CCSAP: variants seen among roughly 807,000 people sequenced by gnomAD.
The protein encoded by CCSAP is centriole, cilia and spindle associated protein, also known as centriole, cilia and spindle-associated protein.
CCSAP carries 17 observed loss-of-function variants against 25.9 expected under a neutral mutation model. The ratio of observed to expected loss-of-function variants is 0.66; its 90% CI spans 0.45 to 0.99. CCSAP has a LOEUF of 0.99. Among genes scored for constraint, CCSAP ranks in the 50% least tolerant of loss-of-function variants. The pLI is 0.00. For missense variants in CCSAP, 339 were observed against 367.8 expected (o/e 0.92, Z 0.64); for synonymous variants, 169 against 157.1 (o/e 1.08, Z -0.57).
At position 229,342,253 on chromosome 1, in the gene CCSAP, G is replaced by C; in HGVS notation, c.213C>G (p.Gly71=). 7.8e-7 allele frequency: 1 copy of C among 1,279,036 alleles called. No individual in the cohort carries two copies. The highest frequency in any genetic ancestry group is 9.8e-7 in the Non-Finnish European group (1 of 1,015,672). The allele number at this position is 1,279,036 out of a possible 1,614,324, so 79.2% of individuals were successfully genotyped here. The part of the protein sequence containing the change: ...SASSESSGAG[G]PAPRCAPPSP... ...AGGGCGGGGCGCACCGGGGTGCGGG[G>C]CCCCCGGCGCCCGACGACTCTGACG... is the stretch of plus-strand genomic sequence containing the variant. The change falls in exon 2 of 4, where the codon GGC becomes GGG. Residue 71 remains glycine (G), a synonymous_variant. Coordinates refer to ENST00000284617, the MANE Select transcript of CCSAP (RefSeq NM_145257.5). This position sits in a 1 kb window ranked among gnomAD's most constrained non-coding sequence, Gnocchi z 7.5.
In CCSAP at chr1:229,342,623, C is replaced by T; in HGVS notation, c.-48-110G>A. The T allele has an allele frequency of 9.5e-6, 4 of 422,584 alleles. No individual in the cohort carries two copies. Among genetic ancestry groups the T allele is most frequent in the South Asian group, 1.2e-4 (1 of 8,222 alleles). The allele number at this position is 422,584 out of a possible 1,614,324, so 26.2% of individuals were successfully genotyped here. On this transcript the variant is annotated intron_variant, in intron 1 of 3. Transcript: ENST00000284617. The surrounding 1 kb of genome is among the most constrained non-coding windows in gnomAD (Gnocchi z 7.5). ...CCGGACGGGAGCAGGGGGCGGGTCC[C>T]GGCGAGGGCGGGGAGGGGGCGGGGC...
chr1:229,338,056 A>G (rs1349014226), intron 2 of CCSAP, among the ~76,000 whole-genome samples: 1 of 152,196 alleles, frequency 6.6e-6, no homozygotes, highest in Non-Finnish European at 1.5e-5. Flanking sequence ...CTACACAGCC[A>G]TAATTCAAAC....
At position 229,325,228 on chromosome 1, in the gene CCSAP, T is replaced by A. The variant is rs180702303; in HGVS notation, c.*7A>T. ...TTTTAAAAGAGGCTGTCCACGCAAG[T>A]GTTTCTTTAAGCTCTTGCCGAATAG... On this transcript the variant is annotated 3_prime_UTR_variant, in exon 4 of 4. Coordinates refer to ENST00000284617, the MANE Select transcript of CCSAP (RefSeq NM_145257.5). The A allele has an allele frequency of 8.8e-6, 14 of 1,585,212 alleles. No homozygotes were observed. In the East Asian group the frequency reaches 2.5e-4, roughly 28 times the overall value.
chr1:229,334,867 C>T (rs895082657), intron 2 of CCSAP, among the ~76,000 whole-genome samples: 1 of 152,066 alleles, frequency 6.6e-6, no homozygotes, highest in East Asian at 1.9e-4. Context: ...GGACAGAGAG[C>T]AAGGGAGGTG....
intron 2 of CCSAP, among the ~76,000 whole-genome samples, chr1:229,337,717 A>ATATATATATATG (rs1406860244): frequency 1.7e-5 from 1 of 58,782 alleles, no homozygotes; most frequent in Non-Finnish European, 4.3e-5. Flanking sequence ...ATATATATAT[A>ATATATATATATG]TGTATATATA....
intron 2 of CCSAP, among the ~76,000 whole-genome samples, chr1:229,339,319 C>T (rs1028506149): frequency 1.3e-5 from 2 of 152,152 alleles, no homozygotes; most frequent in African/African-American, 4.8e-5. Flanking sequence ...CATAACGAGG[C>T]AGGCTGTAAC....
chr1:229,331,961 G>C (rs1293297386), intron 2 of CCSAP, among the ~76,000 whole-genome samples: 1 of 151,976 alleles, frequency 6.6e-6, no homozygotes, highest in African/African-American at 2.4e-5. Context: ...TCTCACCTCA[G>C]CCTCCCAAAT....
In CCSAP at chr1:229,342,311, C is replaced by T. The variant is rs759373424; in HGVS notation, c.155G>A (p.Trp52Ter). The T allele has an allele frequency of 6.8e-7, 1 of 1,470,874 alleles. No individual in the cohort carries two copies. The allele number at this position is 1,470,874 out of a possible 1,614,324, so 91.1% of individuals were successfully genotyped here. A position where few individuals can be genotyped will look rare whatever the true frequency, so the allele number is the denominator to read the frequency against. Residue 52 changes from tryptophan (W) to a stop codon, truncating the protein, a stop_gained, in exon 2 of 4, where the codon TGG (tryptophan) becomes TAG (stop). Coordinates refer to ENST00000284617, the MANE Select transcript of CCSAP (RefSeq NM_145257.5). LOFTEE classifies it high-confidence loss of function. The surrounding 1 kb of genome is among the most constrained non-coding windows in gnomAD (Gnocchi z 7.5). ...GTCCTCCGAGGAGCCGGCCGGGCCCCAGTCGTCCCAGAGCCAGGGCGCGTG... is the reference window on the plus strand; with the variant it reads ...GTCCTCCGAGGAGCCGGCCGGGCCCTAGTCGTCCCAGAGCCAGGGCGCGTG... ...QAHAPWLWDD[W>*]GPAGSSEDSA...
intron 2 of CCSAP, among the ~76,000 whole-genome samples, chr1:229,337,056 G>A (rs1658210823): frequency 1.3e-5 from 2 of 151,924 alleles, no homozygotes; most frequent in African/African-American, 4.8e-5. Flanking sequence ...TCCAACTAAG[G>A]ATAATTATAG....
chr1:229,321,260 A>T lies in CCSAP; in HGVS notation c.*3975T>A, dbSNP rs1194691585. ...GTTATTAGAAGAGAAATCCAAAAAG[A>T]GGCCTCTACTGCCTTCATTCAAGTG... On this transcript the variant is annotated 3_prime_UTR_variant, in exon 4 of 4. Transcript: ENST00000284617. 1 of 152,190 alleles carries T rather than the reference A, an allele frequency of 6.6e-6. No individual in the cohort carries two copies. Among genetic ancestry groups the T allele is most frequent in the Non-Finnish European group, 1.5e-5 (1 of 68,010 alleles). The allele number at this position is 152,190 out of a possible 1,614,324, so 9.4% of individuals were successfully genotyped here.
chr1:229,330,098 A>C (rs867085028), intron 2 of CCSAP, among the ~76,000 whole-genome samples: 1 of 152,148 alleles, frequency 6.6e-6, no homozygotes, highest in Middle Eastern at 3.2e-3. Context: ...CCTCCAGAGC[A>C]GACAGCCCAG....
At chr1:229,337,993 A>G (rs1164041796) in intron 2 of CCSAP, among the ~76,000 whole-genome samples, 1 of 152,112 alleles carries the variant, frequency 6.6e-6, no homozygotes, top group Non-Finnish European at 1.5e-5. Flanking sequence ...AAAACCATAA[A>G]TTTTAACAAA....
rs1476861976 is a variant in CCSAP at position 229,321,267 on chromosome 1, T to C, written c.*3968A>G. The C allele has an allele frequency of 6.6e-6, 1 of 152,206 alleles. No individual in the cohort carries two copies. Among genetic ancestry groups the C allele is most frequent in the African/African-American group, 2.4e-5 (1 of 41,462 alleles). The allele number at this position is 152,206 out of a possible 1,614,324, so 9.4% of individuals were successfully genotyped here. On this transcript the variant is annotated 3_prime_UTR_variant, in exon 4 of 4. Coordinates refer to ENST00000284617, the MANE Select transcript of CCSAP (RefSeq NM_145257.5). Reference sequence around the variant, plus strand: ...GAAGAGAAATCCAAAAAGAGGCCTCTACTGCCTTCATTCAAGTGTCGAGAA... The same window carrying C: ...GAAGAGAAATCCAAAAAGAGGCCTCCACTGCCTTCATTCAAGTGTCGAGAA...
chr1:229,331,660 C>T (rs1470699926), intron 2 of CCSAP, among the ~76,000 whole-genome samples: 1 of 152,084 alleles, frequency 6.6e-6, no homozygotes, highest in Non-Finnish European at 1.5e-5. Flanking sequence ...TCTAATCTTC[C>T]ACACCTTCCA....
In CCSAP at chr1:229,335,227, G is replaced by A. The variant is rs190384359; in HGVS notation, c.367+6872C>T. 2.4e-3 allele frequency among the ~76,000 whole-genome samples: 366 copies of A among 152,270 alleles called. 2 individuals carry two copies. Among genetic ancestry groups the A allele is most frequent in the Non-Finnish European group, 3.9e-3 (266 of 68,028 alleles). ...CCAGCTACTCACGAGGCTGAGGCTGGAGGATTGCTTGAACCCAGGAGGTCA... is the reference window on the plus strand; with the variant it reads ...CCAGCTACTCACGAGGCTGAGGCTGAAGGATTGCTTGAACCCAGGAGGTCA... On this transcript the variant is annotated intron_variant, in intron 2 of 3. Coordinates refer to ENST00000284617, the MANE Select transcript of CCSAP (RefSeq NM_145257.5).
intron 2 of CCSAP, among the ~76,000 whole-genome samples, chr1:229,338,354 C>T (rs1320031523): frequency 6.6e-6 from 1 of 152,060 alleles, no homozygotes; most frequent in African/African-American, 2.4e-5. Context: ...ATGTTTTTTT[C>T]ATTTTAAGCA....
intron 2 of CCSAP, among the ~76,000 whole-genome samples, chr1:229,339,518 C>G (rs1658281105): frequency 6.6e-6 from 1 of 152,134 alleles, no homozygotes; most frequent in South Asian, 2.1e-4. Context: ...TGTGCTCCAC[C>G]AAGAAGGGGT....
chr1:229,342,546 C>T lies in CCSAP; in HGVS notation c.-48-33G>A. ...ACCCGGTACACGACACAGAGGCCGCCCCGCCCCTCCGCCGGCCCTGCCCGC... is the reference window on the plus strand; with the variant it reads ...ACCCGGTACACGACACAGAGGCCGCTCCGCCCCTCCGCCGGCCCTGCCCGC... On this transcript the variant is annotated intron_variant, in intron 1 of 3. Transcript: ENST00000284617. The surrounding 1 kb of genome is among the most constrained non-coding windows in gnomAD (Gnocchi z 7.5). 1.0e-6 allele frequency: 1 copy of T among 964,166 alleles called. No individual in the cohort carries two copies. Among genetic ancestry groups the T allele is most frequent in the Non-Finnish European group, 1.4e-6 (1 of 740,602 alleles). 59.7% of individuals were successfully genotyped at this position (964,166 alleles called of 1,614,324 possible). A position where few individuals can be genotyped will look rare whatever the true frequency, so the allele number is the denominator to read the frequency against.
chr1:229,338,496 A>G (rs2102699030), intron 2 of CCSAP, among the ~76,000 whole-genome samples: 1 of 151,936 alleles, frequency 6.6e-6, no homozygotes, highest in East Asian at 1.9e-4. Flanking sequence ...TATGGGAGGA[A>G]AAGAATCTCA....
Sources: gnomAD v4.1 joint callset for allele counts (sites outside exome capture counted in the v4.1 genomes callset) on GRCh38, gnomAD v4.1.1 for gene constraint, Gnocchi (gnomAD v3.1) non-coding constraint, MANE v1.5 for transcripts, NCBI Gene and HGNC (gene_info 2026-07-23, HGNC 2026-07-21) for gene names.